The following CHLSN variants were observed in gnomAD, a reference collection of about 807,000 sequenced individuals.
CHLSN encodes cholesin.
the CHLSN span, among the ~76,000 whole-genome samples, chr7:1,130,020 T>C: frequency 1.3e-5 from 2 of 152,184 alleles, no homozygotes; most frequent in South Asian, 4.1e-4. Context: ...GCACCGGTCC[T>C]GCCCATCACA....
the CHLSN span, among the ~76,000 whole-genome samples, chr7:1,014,622 G>A: frequency 6.6e-6 from 1 of 152,382 alleles, no homozygotes; most frequent in Admixed American, 6.5e-5. Context: ...AAGCCAACAG[G>A]AAACGTGGGA....
chr7:1,030,006 C>T, the CHLSN span, among the ~76,000 whole-genome samples: 1 of 152,186 alleles, frequency 6.6e-6, no homozygotes, highest in Non-Finnish European at 1.5e-5. Flanking sequence ...AGTGTCTCTG[C>T]CACTGGTGTC....
At chr7:1,002,943 G>A in the CHLSN span, among the ~76,000 whole-genome samples, 4,492 of 77,384 alleles carry the variant, frequency 0.058, 434 homozygotes, top group African/African-American at 0.15. Flanking sequence ...AGTCCTGTGG[G>A]TGAGTGGAGT....
chr7:1,001,748 T>C, the CHLSN span, among the ~76,000 whole-genome samples: 3 of 107,112 alleles, frequency 2.8e-5, no homozygotes, highest in Admixed American at 1.8e-4. Context: ...GGGAGTCCTG[T>C]GGGTGAGTGG....
the CHLSN span, among the ~76,000 whole-genome samples, chr7:1,043,112 G>A: frequency 6.7e-6 from 1 of 148,466 alleles, no homozygotes; most frequent in Admixed American, 6.7e-5. Context: ...AAAAAAATTA[G>A]CTGGGCATGG....
At chr7:1,119,703 C>G in the CHLSN span, among the ~76,000 whole-genome samples, 1,044 of 152,242 alleles carry the variant, frequency 6.9e-3, 37 homozygotes, top group Admixed American at 0.058. Context: ...AAGGCGAAAC[C>G]CTGTCTCTAC....
chr7:1,013,086 G>C, the CHLSN span, among the ~76,000 whole-genome samples: 1 of 152,182 alleles, frequency 6.6e-6, no homozygotes, highest in African/African-American at 2.4e-5. Flanking sequence ...GCCAGGATCG[G>C]GCGTGGTAAT....
the CHLSN span, among the ~76,000 whole-genome samples, chr7:992,477 G>A: frequency 3.9e-5 from 6 of 152,336 alleles, no homozygotes; most frequent in African/African-American, 1.2e-4. Flanking sequence ...CCACGGAGAC[G>A]CCGTTTAATG....
the CHLSN span, among the ~76,000 whole-genome samples, chr7:1,016,832 G>C: frequency 2.5e-4 from 29 of 117,598 alleles, no homozygotes; most frequent in South Asian, 5.2e-4. Context: ...GCAGCGCACA[G>C]CAGCGCACGC....
At chr7:1,070,861 C>G in the CHLSN span, among the ~76,000 whole-genome samples, 1 of 145,110 alleles carries the variant, frequency 6.9e-6, no homozygotes, top group Non-Finnish European at 1.5e-5. Flanking sequence ...CGGACATGCA[C>G]ACGGGTGCGC....
chr7:987,396 C>T, the CHLSN span: 2 of 1,595,206 alleles, frequency 1.3e-6, no homozygotes, highest in Admixed American at 1.7e-5. Flanking sequence ...GGCGGACTCC[C>T]CGGCTGGAGG....
At chr7:987,170 A>G in the CHLSN span, 1 of 1,570,402 alleles carries the variant, frequency 6.4e-7, no homozygotes, top group Non-Finnish European at 8.6e-7. Context: ...GGACATGGTC[A>G]TGGCCGGGAC....
the CHLSN span, chr7:989,173 A>G: frequency 3.4e-6 from 1 of 297,556 alleles, no homozygotes; most frequent in African/African-American, 2.1e-5. Flanking sequence ...CAGGGAGACA[A>G]CGGGTGGCTG....
At chr7:1,018,796 G>T in the CHLSN span, among the ~76,000 whole-genome samples, 4 of 152,202 alleles carry the variant, frequency 2.6e-5, no homozygotes, top group East Asian at 7.7e-4. Context: ...AAAATCAATA[G>T]ATCAGGGCTG....
the CHLSN span, among the ~76,000 whole-genome samples, chr7:1,009,444 C>T: frequency 0.084 from 12,724 of 152,214 alleles, 700 homozygotes; most frequent in South Asian, 0.15. Context: ...AATCCTGCAC[C>T]GTCCACCCAG....
the CHLSN span, among the ~76,000 whole-genome samples, chr7:992,915 G>T: frequency 6.6e-6 from 1 of 152,312 alleles, no homozygotes; most frequent in South Asian, 2.1e-4. Context: ...CTCCTGCCTG[G>T]ACTCAGTCCC....
At chr7:1,135,908 AAAAT>A in the CHLSN span, among the ~76,000 whole-genome samples, 7 of 102,640 alleles carry the variant, frequency 6.8e-5, no homozygotes, top group African/African-American at 2.7e-4. Context: ...AGTATATATA[AAAAT>A]ATATATAAGT....
chr7:1,114,703 C>CTT, the CHLSN span, among the ~76,000 whole-genome samples: 8 of 152,230 alleles, frequency 5.3e-5, no homozygotes, highest in African/African-American at 1.7e-4. Context: ...ACCAGCAAAC[C>CTT]AGGGCTGACA....
At chr7:1,058,696 C>T in the CHLSN span, 12 of 601,052 alleles carry the variant, frequency 2.0e-5, no homozygotes, top group Admixed American at 1.2e-4. Flanking sequence ...CTGTGGTCCC[C>T]GTGGCTGGCA....
Sources: allele counts gnomAD v4.1 joint callset (sites outside exome capture counted in the v4.1 genomes callset), GRCh38; gene constraint gnomAD v4.1.1; transcripts MANE v1.5; gene names NCBI Gene and HGNC (gene_info 2026-07-23, HGNC 2026-07-21).